Variants in OPN5 observed in about 807,000 individuals in gnomAD.
The protein encoded by OPN5 is opsin-5.
A neutral mutation model predicts 41.7 loss-of-function variants in OPN5; 18 were observed. The observed-to-expected ratio is 0.43, with a 90% CI of 0.30 to 0.64. The LOEUF is 0.64. OPN5 is among the 30% of genes least tolerant of loss of function. The pLI is 0.13. For synonymous variants in OPN5, 178 were observed against 164.3 expected (o/e 1.08, Z -0.64); for missense variants, 318 against 434.5 (o/e 0.73, Z 2.38).
At chr6:47,788,785 C>A (rs1279608341) in intron 2 of OPN5, among the ~76,000 whole-genome samples, 2 of 113,996 alleles carry the variant, frequency 1.8e-5, no homozygotes, top group Non-Finnish European at 3.4e-5. Flanking sequence ...AGGATAAAGT[C>A]GTGTTATATT....
chr6:47,813,223 C>T lies in OPN5; in HGVS notation c.1056+1492C>T, dbSNP rs1233119220. Among the ~76,000 whole-genome samples the T allele has an allele frequency of 2.0e-5, 3 of 152,102 alleles. No homozygotes were observed. In the East Asian group the frequency reaches 5.8e-4, roughly 29 times the overall value. On this transcript the variant is annotated intron_variant, in intron 6 of 6. Transcript: ENST00000371211. ...CAAGGAACTTTTTAGCAGACTTGTA[C>T]ATTATAGAGGTGTGAGAGCACGTGG...
chr6:47,800,839 C>T (rs1263430385), intron 4 of OPN5, among the ~76,000 whole-genome samples: 2 of 152,198 alleles, frequency 1.3e-5, no homozygotes, highest in Admixed American at 1.3e-4. Context: ...AGTTTCAGTA[C>T]AATGACAGGA....
At chr6:47,807,364 G>C (rs1032149349) in intron 4 of OPN5, among the ~76,000 whole-genome samples, 1 of 152,194 alleles carries the variant, frequency 6.6e-6, no homozygotes, top group Non-Finnish European at 1.5e-5. Flanking sequence ...GAATTGAAGT[G>C]AGATGATGCA....
chr6:47,803,781 G>T (rs1773862300), intron 4 of OPN5, among the ~76,000 whole-genome samples: 1 of 152,150 alleles, frequency 6.6e-6, no homozygotes, highest in South Asian at 2.1e-4. Context: ...CACCCCCTCT[G>T]AAATAGTTGT....
chr6:47,790,649 T>A (rs759394373), intron 2 of OPN5, among the ~76,000 whole-genome samples: 31 of 152,216 alleles, frequency 2.0e-4, no homozygotes, highest in Admixed American at 1.1e-3. Context: ...AAGGACAAAT[T>A]CACATTTCAG....
chr6:47,811,776 T>C, intron 6 of OPN5, 45 bp downstream of exon 6: 1 of 1,265,458 alleles, frequency 7.9e-7, no homozygotes, highest in Non-Finnish European at 1.2e-6. Flanking sequence ...CGTATTCACT[T>C]ATTTGCCTCT....
At chr6:47,824,267 G>T in exon 7 of OPN5, 1 of 479,846 alleles carries the variant, frequency 2.1e-6, no homozygotes, top group South Asian at 3.7e-5. Flanking sequence ...GCACACCTCG[G>T]TCTCGTCAGT....
At chr6:47,803,979 T>G (rs549130313) in intron 4 of OPN5, among the ~76,000 whole-genome samples, 1 of 152,322 alleles carries the variant, frequency 6.6e-6, no homozygotes, top group South Asian at 2.1e-4. Context: ...TTCAGATGTA[T>G]TAGACCCAGA....
chr6:47,806,062 G>A (rs1233433958), intron 4 of OPN5, among the ~76,000 whole-genome samples: 1 of 151,916 alleles, frequency 6.6e-6, no homozygotes, highest in African/African-American at 2.4e-5. Flanking sequence ...GTCATGTGAT[G>A]CCCATGATGT....
intron 1 of OPN5, among the ~76,000 whole-genome samples, chr6:47,784,662 G>A (rs956509852): frequency 2.0e-5 from 3 of 151,996 alleles, no homozygotes; most frequent in Non-Finnish European, 2.9e-5. Context: ...GGTGGGCTTT[G>A]TTAAATACTA....
intron 2 of OPN5, among the ~76,000 whole-genome samples, chr6:47,788,637 T>C (rs1446262376): frequency 6.6e-6 from 1 of 152,200 alleles, no homozygotes; most frequent in Non-Finnish European, 1.5e-5. Flanking sequence ...TATTTTTTTC[T>C]GGCTCAGCTA....
intron 3 of OPN5, chr6:47,794,955 C>CT (rs1773495312): frequency 2.6e-6 from 1 of 379,220 alleles, no homozygotes; most frequent in African/African-American, 2.0e-5. Context: ...ATCCTCTCAT[C>CT]TCTTTCCTGT....
chr6:47,787,091 A>G, intron 2 of OPN5: 1 of 983,860 alleles, frequency 1.0e-6, no homozygotes, highest in Non-Finnish European at 1.2e-6. Context: ...TGAGAGGTGA[A>G]TGTAGGAAGA....
At chr6:47,789,612 G>C (rs113773937) in intron 2 of OPN5, among the ~76,000 whole-genome samples, 1 of 152,274 alleles carries the variant, frequency 6.6e-6, no homozygotes, top group African/African-American at 2.4e-5. Flanking sequence ...GCTGTCATAT[G>C]AGGGCACCTA....
intron 1 of OPN5, among the ~76,000 whole-genome samples, chr6:47,784,746 C>A (rs939187939): frequency 4.6e-5 from 7 of 151,790 alleles, no homozygotes; most frequent in African/African-American, 1.7e-4. Context: ...AATTACAAAC[C>A]CATTTTCTAC....
intron 4 of OPN5, among the ~76,000 whole-genome samples, chr6:47,800,021 C>A (rs1229059549): frequency 6.6e-6 from 1 of 152,108 alleles, no homozygotes; most frequent in Non-Finnish European, 1.5e-5. Flanking sequence ...TGTTTTAAAA[C>A]TTAGAAGCTG....
intron 1 of OPN5, among the ~76,000 whole-genome samples, chr6:47,786,146 A>G (rs1773184110): frequency 6.6e-6 from 1 of 152,220 alleles, no homozygotes; most frequent in Admixed American, 6.5e-5. Flanking sequence ...GTTTAACCCT[A>G]CTGATCAGAG....
In OPN5 at chr6:47,808,135, T is replaced by C. The variant is rs1050260528; in HGVS notation, c.757-19T>C. ...TATCAGTCATCTTGATTCTTTTCTC[T>C]GTTGCTTTCCCTCATCAGGTAGCGA... On this transcript the variant is annotated intron_variant, in intron 4 of 6. Transcript: ENST00000371211. The C allele has an allele frequency of 6.2e-7, 1 of 1,613,554 alleles. No homozygotes were observed. Among genetic ancestry groups the C allele is most frequent in the Non-Finnish European group, 8.5e-7 (1 of 1,179,542 alleles).
At chr6:47,788,001 CTT>C (rs1018069778) in intron 2 of OPN5, among the ~76,000 whole-genome samples, 23 of 152,336 alleles carry the variant, frequency 1.5e-4, no homozygotes, top group African/African-American at 5.1e-4. Flanking sequence ...CTGAGTCACT[CTT>C]TAGCACACAG....
Sources: allele counts gnomAD v4.1 joint callset (sites outside exome capture counted in the v4.1 genomes callset), GRCh38; gene constraint gnomAD v4.1.1; transcripts MANE v1.5; gene names NCBI Gene and HGNC (gene_info 2026-07-23, HGNC 2026-07-21).